Variants in PCDH11X observed in about 807,000 individuals in gnomAD.
The protein encoded by PCDH11X is protocadherin-11 X-linked.
In PCDH11X, 18 loss-of-function variants were observed where a neutral mutation model predicts 53.3. The observed-to-expected ratio is 0.34, with a 90% CI of 0.23 to 0.50. The LOEUF (loss-of-function observed/expected upper bound fraction) is 0.50. Among genes scored for constraint, PCDH11X ranks in the 20% least tolerant of loss-of-function variants. The pLI, the probability that PCDH11X is intolerant of heterozygous loss-of-function variation, is 0.98. For missense variants in PCDH11X, 570 were observed against 1,032.4 expected (o/e 0.55, Z 6.14); for synonymous variants, 279 against 393.3 (o/e 0.71, Z 3.44).
intron 5 of PCDH11X, among the ~76,000 whole-genome samples, chrX:91,867,590 C>A (rs1056049230): frequency 1.8e-5 from 2 of 108,883 alleles, no homozygotes; most frequent in African/African-American, 6.8e-5. Context: ...GAGGTAAGGC[C>A]CTTTTAACAT....
chrX:92,271,505 G>A (rs1360428089), intron 8 of PCDH11X, among the ~76,000 whole-genome samples: 1 of 111,833 alleles, frequency 8.9e-6, no homozygotes, highest in Middle Eastern at 4.7e-3. Context: ...ATTTTTGGAG[G>A]GGTTTAAGTA....
intron 8 of PCDH11X, among the ~76,000 whole-genome samples, chrX:92,321,610 T>C (rs1158849217): frequency 2.7e-5 from 3 of 112,102 alleles, no homozygotes; most frequent in African/African-American, 9.7e-5. Context: ...TTAAGAGTCT[T>C]AATTAACCCT....
In PCDH11X at chrX:92,375,249, C is replaced by T. The variant is rs756035607; in HGVS notation, c.3145-12486C>T. Reference sequence around the variant, plus strand: ...GGATTGCAGTGGCACAATCTCAGCTCACTGCAAGCTCTGCCTCCTGGGTTC... The same window carrying T: ...GGATTGCAGTGGCACAATCTCAGCTTACTGCAAGCTCTGCCTCCTGGGTTC... On this transcript the variant is annotated intron_variant, in intron 8 of 10. Transcript: ENST00000682573. Among the ~76,000 whole-genome samples, 139 of 83,419 alleles carry T rather than the reference C, an allele frequency of 1.7e-3. 1 individual carries two copies. Among genetic ancestry groups the T allele is most frequent in the African/African-American group, 6.4e-3 (138 of 21,432 alleles). 72.4% of individuals were successfully genotyped at this position (83,419 alleles called of 115,157 possible). A position where few individuals can be genotyped will look rare whatever the true frequency, so the allele number is the denominator to read the frequency against.
At chrX:92,125,144 G>A (rs1316293593) in intron 6 of PCDH11X, among the ~76,000 whole-genome samples, 2 of 110,668 alleles carry the variant, frequency 1.8e-5, no homozygotes, top group African/African-American at 3.3e-5. Flanking sequence ...ATTAAGGAAC[G>A]TTCCAATCAA....
At chrX:91,863,832 CT>C (rs974398906) in intron 5 of PCDH11X, among the ~76,000 whole-genome samples, 2 of 111,301 alleles carry the variant, frequency 1.8e-5, no homozygotes, top group Admixed American at 9.6e-5. Context: ...GTATTTTAAG[CT>C]GATAATAGCT....
At chrX:92,466,572 A>G (rs2073161524) in intron 9 of PCDH11X, among the ~76,000 whole-genome samples, 1 of 110,526 alleles carries the variant, frequency 9.0e-6, no homozygotes, top group South Asian at 3.7e-4. Flanking sequence ...GTTTTAAGCC[A>G]AATATGCTTA....
At chrX:91,953,896 A>G (rs1409128667) in intron 6 of PCDH11X, among the ~76,000 whole-genome samples, 1 of 110,072 alleles carries the variant, frequency 9.1e-6, no homozygotes, top group Non-Finnish European at 1.9e-5. Flanking sequence ...CACAAATGAC[A>G]ACATAATAGT....
At chrX:92,512,730 G>T (rs1303109896) in intron 10 of PCDH11X, among the ~76,000 whole-genome samples, 2 of 111,927 alleles carry the variant, frequency 1.8e-5, no homozygotes, top group Non-Finnish European at 3.8e-5. Context: ...AAGTCTTTTA[G>T]ATCATTTTGA....
At chrX:92,193,153 A>T (rs1478986972) in intron 6 of PCDH11X, among the ~76,000 whole-genome samples, 2 of 112,042 alleles carry the variant, frequency 1.8e-5, no homozygotes, top group African/African-American at 6.5e-5. Flanking sequence ...TTAATTTGAC[A>T]TAGTTATTAA....
intron 8 of PCDH11X, among the ~76,000 whole-genome samples, chrX:92,315,525 G>C (rs1399067316): frequency 9.0e-6 from 1 of 111,373 alleles, no homozygotes; most frequent in African/African-American, 3.3e-5. Context: ...TGATAGAAAT[G>C]ATCAAATTAT....
At chrX:92,016,613 C>T (rs780186447) in intron 6 of PCDH11X, among the ~76,000 whole-genome samples, 31 of 108,307 alleles carry the variant, frequency 2.9e-4, no homozygotes, top group Admixed American at 2.3e-3. Flanking sequence ...GTAGCTTTCT[C>T]GCCTCTTTCA....
intron 8 of PCDH11X, among the ~76,000 whole-genome samples, chrX:92,327,878 A>G (rs1310820765): frequency 1.0e-5 from 1 of 99,882 alleles, no homozygotes; most frequent in Non-Finnish European, 2.0e-5. Flanking sequence ...CATAACTTAC[A>G]TGATCTGATC....
At chrX:91,968,766 T>G (rs2061902760) in intron 6 of PCDH11X, among the ~76,000 whole-genome samples, 1 of 111,579 alleles carries the variant, frequency 9.0e-6, no homozygotes, top group Admixed American at 9.6e-5. Flanking sequence ...ATTGAAATAT[T>G]GCAATAAAAC....
At chrX:91,911,763 A>G (rs1380397180) in intron 6 of PCDH11X, among the ~76,000 whole-genome samples, 1 of 110,272 alleles carries the variant, frequency 9.1e-6, no homozygotes, top group Non-Finnish European at 1.9e-5. Context: ...ATCTTTGTCT[A>G]TTCTGAGTCT....
At chrX:92,350,277 G>A (rs1346648418) in intron 8 of PCDH11X, among the ~76,000 whole-genome samples, 1 of 109,141 alleles carries the variant, frequency 9.2e-6, no homozygotes, top group Non-Finnish European at 1.9e-5. Flanking sequence ...GTGAGCTAGT[G>A]TAATTCTTGG....
intron 8 of PCDH11X, among the ~76,000 whole-genome samples, chrX:92,383,275 G>A (rs146856525): frequency 0.025 from 2,704 of 107,821 alleles, 54 homozygotes; most frequent in Non-Finnish European, 0.04. Context: ...TATAAGAGGG[G>A]TCCTAGAGGA....
chrX:92,550,909 G>A (rs1215072149), intron 10 of PCDH11X, among the ~76,000 whole-genome samples: 1 of 108,686 alleles, frequency 9.2e-6, no homozygotes, highest in Non-Finnish European at 1.9e-5. Context: ...TGTTGCATAT[G>A]ACTGGATCTC....
chrX:92,159,770 A>G (rs1191451948), intron 6 of PCDH11X, among the ~76,000 whole-genome samples: 1 of 94,899 alleles, frequency 1.1e-5, no homozygotes, highest in African/African-American at 3.8e-5. Flanking sequence ...TTAAAGTGCA[A>G]ACAAGGAAAC....
At chrX:92,618,129 A>C (rs1352890711) in intron 10 of PCDH11X, 135 bp from the exon 11 acceptor site, 11 of 828,664 alleles carry the variant, frequency 1.3e-5, no homozygotes, top group Non-Finnish European at 1.8e-5. Context: ...AAAAATACCA[A>C]CTCTATAAAT....
Sources: allele counts gnomAD v4.1 joint callset (sites outside exome capture counted in the v4.1 genomes callset), GRCh38; gene constraint gnomAD v4.1.1; transcripts MANE v1.5; gene names NCBI Gene and HGNC (gene_info 2026-07-23, HGNC 2026-07-21).